The following ENOX1 variants were observed in gnomAD, a reference collection of about 807,000 sequenced individuals.
ENOX1 encodes candidate growth-related and time keeping constitutive hydroquinone (NADH) oxidase.
ENOX1 carries 42 observed loss-of-function variants against 82.5 expected under a neutral mutation model. That is an observed-to-expected ratio of 0.51 (90% confidence interval 0.40 to 0.66). ENOX1 has a LOEUF of 0.66. ENOX1 is among the 30% of genes least tolerant of loss of function. ENOX1 has a pLI of 0.00. For missense variants in ENOX1, 608 were observed against 811.6 expected (o/e 0.75, Z 3.05); for synonymous variants, 271 against 282.2 (o/e 0.96, Z 0.40).
intron 2 of ENOX1, among the ~76,000 whole-genome samples, chr13:43,555,953 CA>C (rs1216405525): frequency 2.0e-5 from 3 of 152,156 alleles, no homozygotes; most frequent in Non-Finnish European, 4.4e-5. Flanking sequence ...AAGGTTTGGC[CA>C]TTATAACTTA....
chr13:43,249,591 T>C (rs934685245), intron 14 of ENOX1, among the ~76,000 whole-genome samples: 1 of 152,208 alleles, frequency 6.6e-6, no homozygotes, highest in African/African-American at 2.4e-5. Context: ...CAGTATGACA[T>C]TTCTTATTTT....
At chr13:43,468,526 A>C (rs1481176014) in intron 3 of ENOX1, among the ~76,000 whole-genome samples, 1 of 151,930 alleles carries the variant, frequency 6.6e-6, no homozygotes, top group Admixed American at 6.6e-5. Context: ...GCAGTGGCTC[A>C]CATCTGTAAT....
chr13:43,613,219 TAC>T (rs1001064479), intron 2 of ENOX1, among the ~76,000 whole-genome samples: 4 of 152,168 alleles, frequency 2.6e-5, no homozygotes, highest in African/African-American at 9.7e-5. Context: ...TCATATTAAC[TAC>T]AGTCAGAAAT....
intron 1 of ENOX1, among the ~76,000 whole-genome samples, chr13:43,775,459 T>C (rs1216431075): frequency 1.3e-5 from 2 of 152,166 alleles, no homozygotes; most frequent in Non-Finnish European, 2.9e-5. Context: ...GATTTTTCAG[T>C]ACTTGAGTTT....
intron 10 of ENOX1, 52 bp from the exon 11 acceptor site, chr13:43,322,553 C>T: frequency 6.8e-7 from 1 of 1,464,426 alleles, no homozygotes; most frequent in Non-Finnish European, 9.5e-7. Flanking sequence ...TATGGCTTTC[C>T]CCAATGGTCT....
intron 1 of ENOX1, among the ~76,000 whole-genome samples, chr13:43,742,552 T>G (rs1949799051): frequency 6.6e-6 from 1 of 152,122 alleles, no homozygotes; most frequent in South Asian, 2.1e-4. Flanking sequence ...GCCATCTTCT[T>G]TACTCAGTCT....
intron 16 of ENOX1, among the ~76,000 whole-genome samples, chr13:43,220,851 G>T (rs2041749744): frequency 6.6e-6 from 1 of 152,150 alleles, no homozygotes; most frequent in Admixed American, 6.5e-5. Context: ...GATCATTCAG[G>T]TGGGCAATCT....
At chr13:43,234,131 G>C (rs1162840343) in intron 15 of ENOX1, among the ~76,000 whole-genome samples, 1 of 152,178 alleles carries the variant, frequency 6.6e-6, no homozygotes, top group Non-Finnish European at 1.5e-5. Flanking sequence ...TATCTACAAA[G>C]TATGAATGAC....
intron 1 of ENOX1, among the ~76,000 whole-genome samples, chr13:43,783,739 T>C (rs1013143891): frequency 6.6e-6 from 1 of 152,206 alleles, no homozygotes; most frequent in East Asian, 1.9e-4. Flanking sequence ...CCTCCCAATC[T>C]TGCATTTTTC....
chr13:43,448,344 C>A (rs2056772067), intron 3 of ENOX1, among the ~76,000 whole-genome samples: 1 of 152,106 alleles, frequency 6.6e-6, no homozygotes, highest in Non-Finnish European at 1.5e-5. Context: ...CTTAGGCTTG[C>A]CAATTTAAAT....
chr13:43,759,295 A>C (rs1391942587), intron 1 of ENOX1, among the ~76,000 whole-genome samples: 1 of 151,904 alleles, frequency 6.6e-6, no homozygotes, highest in Non-Finnish European at 1.5e-5. Context: ...ACACGGTTTC[A>C]CCATGTTGGC....
At chr13:43,627,217 T>C (rs1245154496) in intron 2 of ENOX1, among the ~76,000 whole-genome samples, 1 of 152,034 alleles carries the variant, frequency 6.6e-6, no homozygotes, top group African/African-American at 2.4e-5. Context: ...TGGTTCATGT[T>C]TTTAATCACC....
At chr13:43,649,476 A>T (rs1463201113) in intron 2 of ENOX1, among the ~76,000 whole-genome samples, 3 of 152,164 alleles carry the variant, frequency 2.0e-5, no homozygotes, top group Non-Finnish European at 4.4e-5. Flanking sequence ...AATATAATGA[A>T]CTTACAAATA....
intron 1 of ENOX1, among the ~76,000 whole-genome samples, chr13:43,771,330 A>G (rs947769258): frequency 6.6e-6 from 1 of 152,118 alleles, no homozygotes; most frequent in Non-Finnish European, 1.5e-5. Context: ...CTAGGTATCC[A>G]CATCTTTTTT....
intron 2 of ENOX1, among the ~76,000 whole-genome samples, chr13:43,636,702 G>A (rs1418892888): frequency 3.9e-5 from 6 of 152,114 alleles, no homozygotes; most frequent in Non-Finnish European, 7.4e-5. Flanking sequence ...CATAACCAAC[G>A]GCACGGGTGG....
chr13:43,325,936 T>C (rs1018329765), intron 10 of ENOX1, among the ~76,000 whole-genome samples: 10 of 152,124 alleles, frequency 6.6e-5, no homozygotes, highest in South Asian at 2.1e-4. Flanking sequence ...CCTTACAACA[T>C]TGGATCTGGA....
chr13:43,502,801 A>C (rs1055522196), intron 2 of ENOX1, among the ~76,000 whole-genome samples: 2 of 151,580 alleles, frequency 1.3e-5, no homozygotes, highest in Admixed American at 6.6e-5. Context: ...ACAAGTAAGG[A>C]TATCCACTCT....
chr13:43,504,235 T>C (rs1177737157), intron 2 of ENOX1, among the ~76,000 whole-genome samples: 1 of 151,694 alleles, frequency 6.6e-6, no homozygotes, highest in East Asian at 1.9e-4. Context: ...GGAATGTAAA[T>C]TGGTGCAACC....
At chr13:43,237,890 G>T (rs553672574) in intron 14 of ENOX1, among the ~76,000 whole-genome samples, 25 of 152,230 alleles carry the variant, frequency 1.6e-4, no homozygotes, top group African/African-American at 5.3e-4. Flanking sequence ...GTAATCCAGG[G>T]GTAATTAGAA....
Sources: allele counts gnomAD v4.1 joint callset (sites outside exome capture counted in the v4.1 genomes callset), GRCh38; gene constraint gnomAD v4.1.1; transcripts MANE v1.5; gene names NCBI Gene and HGNC (gene_info 2026-07-23, HGNC 2026-07-21).